ZNF433: variants seen among roughly 807,000 people sequenced by gnomAD.
ZNF433 encodes the protein zinc finger protein 433.
A neutral mutation model predicts 10.6 loss-of-function variants in ZNF433; 12 were observed. The ratio of observed to expected loss-of-function variants is 1.13; its 90% CI spans 0.72 to 1.83. The LOEUF (loss-of-function observed/expected upper bound fraction) is 1.83, where lower values mean the gene tolerates loss of function less well. Ranked by LOEUF, ZNF433 falls within the 40% of genes most tolerant of loss-of-function variation. The pLI is 0.00. For synonymous variants in ZNF433, 272 were observed against 271.3 expected (o/e 1.00, Z -0.02); for missense variants, 737 against 798.0 (o/e 0.92, Z 0.92).
Position 12,016,593 on chromosome 19 carries a change from C to T in ZNF433, c.265G>A (p.Asp89Asn). ...HGEILTQVPDDMLKKTTTGVK... is the reference protein window; with the variant it reads ...HGEILTQVPDNMLKKTTTGVK... ...CCAGTAGTTGTTTTCTTCAGCATGTCATCTGGAACCTGGGTCAAAATTTCT... is the reference window on the plus strand; with the variant it reads ...CCAGTAGTTGTTTTCTTCAGCATGTTATCTGGAACCTGGGTCAAAATTTCT... Residue 89 changes from aspartate (D) to asparagine (N), a missense_variant, in exon 4 of 4, where the codon GAC (aspartate) becomes AAC (asparagine). Coordinates refer to ENST00000550507, the MANE Select transcript of ZNF433 (RefSeq NM_001308348.2). 2.5e-6 allele frequency: 4 copies of T among 1,614,150 alleles called. No individual in the cohort carries two copies. The highest frequency in any genetic ancestry group is 3.4e-6 in the Non-Finnish European group (4 of 1,180,040).
intron 1 of ZNF433, among the ~76,000 whole-genome samples, chr19:12,029,493 GC>G (rs1568340345): frequency 8.8e-6 from 1 of 113,204 alleles, no homozygotes; most frequent in African/African-American, 3.5e-5. Context: ...CTGCACTCCA[GC>G]CTCGGTGACA....
In ZNF433 at chr19:12,015,942, G is replaced by C. The variant is rs951224662; in HGVS notation, c.916C>G (p.Pro306Ala). 6.2e-7 allele frequency: 1 copy of C among 1,614,056 alleles called. No individual in the cohort carries two copies. Among genetic ancestry groups the C allele is most frequent in the Non-Finnish European group, 8.5e-7 (1 of 1,179,998 alleles). The change falls in exon 4 of 4, where the codon CCA becomes GCA. Residue 306 changes from proline (P) to alanine (A), a missense_variant. Physicochemically the swap from Pro to Ala is conservative, Grantham distance 27. Transcript: ENST00000550507. ...IHERTHTGEKPYECKECGKAF... is the reference protein window; with the variant it reads ...IHERTHTGEKAYECKECGKAF... ...TTTCCACATTCCTTACATTCATATGGCTTCTCCCCCGTGTGAGTTCTTTCA... is the reference window on the plus strand; with the variant it reads ...TTTCCACATTCCTTACATTCATATGCCTTCTCCCCCGTGTGAGTTCTTTCA...
At chr19:12,022,111 A>G (rs1974526135) in intron 1 of ZNF433, 1 of 432,146 alleles carries the variant, frequency 2.3e-6, no homozygotes, top group Non-Finnish European at 4.8e-6. Context: ...TGACACCCAC[A>G]ATGAAGACTG....
chr19:12,029,107 A>C (rs977851801), intron 1 of ZNF433, among the ~76,000 whole-genome samples: 1 of 152,224 alleles, frequency 6.6e-6, no homozygotes, highest in African/African-American at 2.4e-5. Context: ...CTGTGATGTA[A>C]TCTCTCTGAA....
chr19:12,024,684 C>A (rs935566691), intron 1 of ZNF433: 1 of 152,214 alleles, frequency 6.6e-6, no homozygotes, highest in African/African-American at 2.4e-5. Context: ...CCAGAGAAGA[C>A]TCTAGATTTG....
chr19:12,023,219 T>G (rs1265514972), intron 1 of ZNF433: 1 of 152,138 alleles, frequency 6.6e-6, no homozygotes, highest in African/African-American at 2.4e-5. Flanking sequence ...AAGCTGTGAG[T>G]CTTCTGCCTG....
In ZNF433 at chr19:12,016,398, C is replaced by G; in HGVS notation, c.460G>C (p.Val154Leu). 2 of 1,614,032 alleles carry G rather than the reference C, an allele frequency of 1.2e-6. No individual in the cohort carries two copies. The highest frequency in any genetic ancestry group is 2.2e-5 in the East Asian group (1 of 44,888). ...CTATGAGCCCTTTCATGTGTCTGAA[C>G]AGAGGAGAGACAGTTGAAAGGTTTT... The part of the protein sequence containing the change: ...CKKPFNCLSS[V>L]QTHERAHSGR... Residue 154 changes from valine (V) to leucine (L), a missense_variant, in exon 4 of 4, where the codon GTT (valine) becomes CTT (leucine). Physicochemically the swap from Val to Leu is conservative, Grantham distance 32 (BLOSUM62 1). Transcript: ENST00000550507.
rs1439224376 is a variant in ZNF433, at chr19:12,017,881, GTTT to G, written c.183_185del (p.Arg61_Asn62delinsSer). On this transcript the variant is annotated inframe_deletion, in exon 3 of 4. Transcript: ENST00000550507. ...GTCATGTGAGTGCAAGTTACCTTAG[GTTT>G]CTCCTTAGATTTTCGTACTCTACAT... 1.9e-6 allele frequency: 3 copies of G among 1,582,686 alleles called. No homozygotes were observed. The African/African-American group carries it at 4.1e-5, about 22-fold the overall frequency.
Position 12,016,289 on chromosome 19 carries a change from C to A in ZNF433, c.569G>T (p.Arg190Leu), listed in dbSNP as rs200966428. The change falls in exon 4 of 4, where the codon CGT (arginine) becomes CTT (leucine). Residue 190 changes from arginine (R) to leucine (L), a missense_variant. Transcript: ENST00000550507. ...TTTACACTTATAAGGTCCATCTCCA[C>A]GGTGCATTATCCTGTGTCTTTGAAG... ...SNLQRHRIMH[R>L]GDGPYKCKFC... is the part of the protein sequence containing the mutation. 1 of 1,614,206 alleles carries A rather than the reference C, an allele frequency of 6.2e-7. No individual in the cohort carries two copies. The highest frequency in any genetic ancestry group is 2.2e-5 in the East Asian group (1 of 44,868).
In ZNF433 at chr19:12,016,182, T is replaced by G. The variant is rs760218538; in HGVS notation, c.676A>C (p.Lys226Gln). ...TGACTAAAGGCTTTACCACACTGTT[T>G]ACATTGATATGGTTTCTCTCCAGTG... is the stretch of plus-strand genomic sequence containing the variant. ...THTGEKPYQC[K>Q]QCGKAFSHSS... The change falls in exon 4 of 4, where the codon AAA becomes CAA. Residue 226 changes from lysine to glutamine, a missense_variant. Transcript: ENST00000550507. The G allele has an allele frequency of 1.5e-5, 24 of 1,614,096 alleles. No individual in the cohort carries two copies. Among genetic ancestry groups the G allele is most frequent in the Non-Finnish European group, 2.0e-5 (24 of 1,180,040 alleles).
At chr19:12,018,119 A>C (rs756447396) in intron 2 of ZNF433, 47 bp downstream of exon 2, 21 of 1,528,660 alleles carry the variant, frequency 1.4e-5, no homozygotes, top group African/African-American at 2.8e-5. Context: ...AAAAAAAAAA[A>C]AACTTGTTGT....
At chr19:12,021,568 C>T (rs752199629) in intron 1 of ZNF433, among the ~76,000 whole-genome samples, 4 of 152,134 alleles carry the variant, frequency 2.6e-5, no homozygotes, top group East Asian at 1.9e-4. Flanking sequence ...TATTACGTGT[C>T]GTGAGAACTG....
At chr19:12,022,866 T>C (rs570600713) in intron 1 of ZNF433, among the ~76,000 whole-genome samples, 2 of 152,284 alleles carry the variant, frequency 1.3e-5, no homozygotes, top group South Asian at 4.1e-4. Context: ...AGATCTTTCT[T>C]TTCTGGAGGA....
rs1201113938 is a variant in ZNF433, at chr19:12,015,483, A to G, written c.1375T>C (p.Phe459Leu). ...CTTTCATGTATTTGAAAGAAAGAGA[A>G]ATTACTAAATGGTTTTCCACATTCC... ...CKECGKPFSN[F>L]SFFQIHERMH... The change falls in exon 4 of 4, where the codon TTC (phenylalanine) becomes CTC (leucine). Residue 459 changes from phenylalanine to leucine, a missense_variant. Phe to Leu is a conservative substitution (Grantham distance 22). Coordinates refer to ENST00000550507, the MANE Select transcript of ZNF433 (RefSeq NM_001308348.2). 8.7e-6 allele frequency: 14 copies of G among 1,612,740 alleles called. No individual in the cohort carries two copies. Among genetic ancestry groups the G allele is most frequent in the Non-Finnish European group, 1.2e-5 (14 of 1,179,710 alleles).
Position 12,016,545 on chromosome 19 carries a change from C to T in ZNF433, c.313G>A (p.Val105Met). The change falls in exon 4 of 4, where the codon GTG becomes ATG. Residue 105 changes from valine (V) to methionine (M), a missense_variant. Physicochemically the swap from Val to Met is conservative, Grantham distance 21. Transcript: ENST00000550507. ...TGAGCACTGCCTACTTCTCCATACACACTGCTTTCGCATGATTTTACTCCA... is the reference window on the plus strand; with the variant it reads ...TGAGCACTGCCTACTTCTCCATACATACTGCTTTCGCATGATTTTACTCCA... The part of the protein sequence containing the change: ...TTGVKSCESS[V>M]YGEVGSAHSS... 1 of 1,614,174 alleles carries T rather than the reference C, an allele frequency of 6.2e-7. No individual in the cohort carries two copies. The highest frequency in any genetic ancestry group is 8.5e-7 in the Non-Finnish European group (1 of 1,180,036).
chr19:12,035,533 TC>T lies in ZNF433; in HGVS notation c.3+3del. The T allele has an allele frequency of 6.4e-7, 1 of 1,573,274 alleles. No individual in the cohort carries two copies. ...GCCTCGGGACCCCTGGCCCGCACGC[TC>T]ACCATTTCTTGCCTTTCAGGTGACT... On this transcript the variant is annotated splice_donor_region_variant and intron_variant, in intron 1 of 3. Transcript: ENST00000550507.
At chr19:12,031,316 C>A (rs372419510) in intron 1 of ZNF433, among the ~76,000 whole-genome samples, 6,120 of 101,910 alleles carry the variant, frequency 0.06, 315 homozygotes, top group African/African-American at 0.17. Flanking sequence ...AAAAACAAAA[C>A]AAAAAAAAAA....
rs1909172281 is a variant in ZNF433, at chr19:12,035,662, C to G, written c.-123G>C. ...CAGGCTCCCAACCTCAGCTCGCCGC[C>G]TGGAGCCGGGAACCGAGGAGAGCAG... On this transcript the variant is annotated 5_prime_UTR_variant, in exon 1 of 4. Coordinates refer to ENST00000550507, the MANE Select transcript of ZNF433 (RefSeq NM_001308348.2). 1.4e-6 allele frequency: 2 copies of G among 1,386,356 alleles called. No homozygotes were observed. Among genetic ancestry groups the G allele is most frequent in the African/African-American group, 1.5e-5 (1 of 67,366 alleles). 85.9% of individuals were successfully genotyped at this position (1,386,356 alleles called of 1,614,324 possible).
chr19:12,032,906 T>C (rs1212472327), intron 1 of ZNF433, among the ~76,000 whole-genome samples: 1 of 152,128 alleles, frequency 6.6e-6, no homozygotes, highest in Non-Finnish European at 1.5e-5. Context: ...AACAATTATT[T>C]ACAAAAAGAC....
Sources: gnomAD v4.1 joint callset for allele counts (sites outside exome capture counted in the v4.1 genomes callset) on GRCh38, gnomAD v4.1.1 for gene constraint, MANE v1.5 for transcripts, NCBI Gene and HGNC (gene_info 2026-07-23, HGNC 2026-07-21) for gene names.